Variants in TRMT61B observed in about 807,000 individuals in gnomAD.
TRMT61B encodes the protein tRNA methyltransferase 61B, also known as tRNA (adenine(58)-N(1))-methyltransferase, mitochondrial.
In TRMT61B, 56 loss-of-function variants were observed where a neutral mutation model predicts 52.0. The ratio of observed to expected loss-of-function variants is 1.08; its 90% CI spans 0.87 to 1.35. TRMT61B has a LOEUF of 1.35. Among genes scored for constraint, TRMT61B ranks in the 40% most tolerant of loss-of-function variants. The pLI is 0.00. For missense variants in TRMT61B, 650 were observed against 577.9 expected (o/e 1.12, Z -1.28); for synonymous variants, 206 against 220.0 (o/e 0.94, Z 0.56).
rs374991019 is a variant in TRMT61B at position 28,870,187 on chromosome 2, G to A, written c.91C>T (p.Pro31Ser). Residue 31 changes from proline to serine, a missense_variant, in exon 1 of 7, where the codon CCC becomes TCC. Physicochemically the swap from Pro to Ser is moderately conservative, Grantham distance 74. Transcript: ENST00000306108. The part of the protein sequence containing the change: ...NSFLHGLGQE[P>S]FEGARSLCCR... Reference sequence around the variant, plus strand: ...CACAGTGACCGAGCTCCCTCGAAGGGCTCCTGCCCCAGGCCGTGCAGGAAT... The same window carrying A: ...CACAGTGACCGAGCTCCCTCGAAGGACTCCTGCCCCAGGCCGTGCAGGAAT... The A allele has an allele frequency of 7.4e-6, 12 of 1,613,090 alleles. No homozygotes were observed. The Admixed American group carries it at 1.8e-4, about 25-fold the overall frequency.
intron 3 of TRMT61B, among the ~76,000 whole-genome samples, chr2:28,854,558 G>A (rs1255446496): frequency 6.6e-6 from 1 of 151,950 alleles, no homozygotes; most frequent in Non-Finnish European, 1.5e-5. Context: ...TGGCCAACAC[G>A]GCGAAACCCC....
Position 28,862,868 on chromosome 2 carries a change from G to A in TRMT61B, c.803-1560C>T, listed in dbSNP as rs755784464. 7.1e-5 allele frequency among the ~76,000 whole-genome samples: 4 copies of A among 56,228 alleles called. No individual in the cohort carries two copies. The Admixed American group carries it at 9.9e-4, about 14-fold the overall frequency. The allele number at this position is 56,228 out of a possible 152,430, so 36.9% of individuals were successfully genotyped here. A position where few individuals can be genotyped will look rare whatever the true frequency, so the allele number is the denominator to read the frequency against. ...AAAAATTAAAGGTATTTGTATTTGT[G>A]TGTGTGTGTGTGTGTGTGTGTGTGT... On this transcript the variant is annotated intron_variant, in intron 2 of 6. Coordinates refer to ENST00000306108, the MANE Select transcript of TRMT61B (RefSeq NM_017910.4).
At chr2:28,850,700 TTC>T (rs1331682223) in intron 5 of TRMT61B, 13 of 321,262 alleles carry the variant, frequency 4.0e-5, no homozygotes, top group Non-Finnish European at 5.0e-5. Flanking sequence ...CTAAACTCAG[TTC>T]TTTCAAGAAT....
chr2:28,855,061 G>A (rs1475313919), intron 3 of TRMT61B, among the ~76,000 whole-genome samples: 2 of 152,324 alleles, frequency 1.3e-5, no homozygotes, highest in Non-Finnish European at 2.9e-5. Context: ...TAGGGGAGAA[G>A]TGAGCTCCTG....
rs565391846 is a variant in TRMT61B at position 28,862,435 on chromosome 2, C to T, written c.803-1127G>A. ...GCAACCCCCACCTCCCAGGCTCAAG[C>T]GATCTTCCCACCTCAGCCTCCTGAA... is the stretch of plus-strand genomic sequence containing the variant. On this transcript the variant is annotated intron_variant, in intron 2 of 6. Transcript: ENST00000306108. 2.1e-3 allele frequency among the ~76,000 whole-genome samples: 306 copies of T among 147,640 alleles called. 2 individuals carry two copies. Among genetic ancestry groups the T allele is most frequent in the Non-Finnish European group, 8.5e-4 (57 of 67,322 alleles).
At chr2:28,863,831 G>A (rs765005984) in intron 2 of TRMT61B, among the ~76,000 whole-genome samples, 6 of 152,152 alleles carry the variant, frequency 3.9e-5, no homozygotes, top group Admixed American at 3.3e-4. Context: ...ATTTCTATCT[G>A]TAATCTTTAT....
intron 2 of TRMT61B, among the ~76,000 whole-genome samples, chr2:28,862,835 TAA>T (rs11325074): frequency 6.2e-5 from 9 of 145,034 alleles, no homozygotes; most frequent in East Asian, 2.2e-4. Flanking sequence ...TACCAAAAAA[TAA>T]AAAAAAAAAA....
Position 28,869,959 on chromosome 2 carries a change from C to T in TRMT61B, c.319G>A (p.Gly107Arg), listed in dbSNP as rs138934242. The T allele has an allele frequency of 1.7e-4, 278 of 1,613,688 alleles. No individual in the cohort carries two copies. The African/African-American group carries it at 2.2e-3, about 13-fold the overall frequency. ...GTGGGACCGCACCGGCCCTGGTCTC[C>T]GCTCGAGTCCTCGAGCTCTCGAGGG... is the stretch of plus-strand genomic sequence containing the variant. Reference protein sequence around the residue: ...SSPRELEDSSGDQGRCGPTHQ... With the variant: ...SSPRELEDSSRDQGRCGPTHQ... Residue 107 changes from glycine to arginine, a missense_variant, in exon 1 of 7, where the codon GGA (glycine) becomes AGA (arginine). Transcript: ENST00000306108.
At chr2:28,860,780 G>A (rs1214772426) in intron 3 of TRMT61B, among the ~76,000 whole-genome samples, 1 of 152,140 alleles carries the variant, frequency 6.6e-6, no homozygotes, top group Non-Finnish European at 1.5e-5. Context: ...CACAGTTCAG[G>A]TTAGGTGCCG....
rs78130127 is a variant in TRMT61B at position 28,864,914 on chromosome 2, T to A, written c.802+103A>T. On this transcript the variant is annotated intron_variant, in intron 2 of 6. Coordinates refer to ENST00000306108, the MANE Select transcript of TRMT61B (RefSeq NM_017910.4). ...TTTCAGATTCTAGGAGAATGCTACCTCAATGTTAGGTATTTTCCCAAATAT... is the reference window on the plus strand; with the variant it reads ...TTTCAGATTCTAGGAGAATGCTACCACAATGTTAGGTATTTTCCCAAATAT... 1.8e-3 allele frequency: 1,218 copies of A among 662,498 alleles called. 9 individuals are homozygous for A. In the African/African-American group the frequency reaches 0.02, roughly 11 times the overall value. The allele number at this position is 662,498 out of a possible 1,614,324, so 41.0% of individuals were successfully genotyped here.
At position 28,850,328 on chromosome 2, in the gene TRMT61B, C is replaced by A; in HGVS notation, c.1390G>T (p.Ala464Ser). ...AATATGTTCTGAAAACATTACTCAC[C>A]TGTATGACCAGGTTGCCAGTGTACT... ...RPVHWQPGHTAFLVKLRKVKP... is the reference protein window; with the variant it reads ...RPVHWQPGHTSFLVKLRKVKP... Residue 464 changes from alanine (A) to serine (S), a missense_variant and splice_region_variant, in exon 6 of 7, where the codon GCT becomes TCT. Coordinates refer to ENST00000306108, the MANE Select transcript of TRMT61B (RefSeq NM_017910.4). The A allele has an allele frequency of 6.2e-7, 1 of 1,608,682 alleles. No homozygotes were observed. Among genetic ancestry groups the A allele is most frequent in the African/African-American group, 1.3e-5 (1 of 74,876 alleles).
intron 2 of TRMT61B, 181 bp from the exon 3 acceptor site, chr2:28,861,489 A>G (rs987144136): frequency 1.8e-5 from 10 of 553,200 alleles, no homozygotes; most frequent in Non-Finnish European, 2.8e-5. Flanking sequence ...AGAGGCAACC[A>G]CATTACCAGC....
At chr2:28,859,419 C>A (rs1669502269) in intron 3 of TRMT61B, among the ~76,000 whole-genome samples, 1 of 152,168 alleles carries the variant, frequency 6.6e-6, no homozygotes, top group Non-Finnish European at 1.5e-5. Flanking sequence ...GATCTTTGAT[C>A]AAACACCAAC....
chr2:28,863,830 T>C (rs1669713788), intron 2 of TRMT61B, among the ~76,000 whole-genome samples: 1 of 152,216 alleles, frequency 6.6e-6, no homozygotes, highest in Non-Finnish European at 1.5e-5. Flanking sequence ...TATTTCTATC[T>C]GTAATCTTTA....
At chr2:28,869,121 G>A (rs1167307095) in intron 1 of TRMT61B, among the ~76,000 whole-genome samples, 1 of 152,108 alleles carries the variant, frequency 6.6e-6, no homozygotes, top group East Asian at 1.9e-4. Flanking sequence ...TCCCTAAAAG[G>A]GGAAAAGCAC....
At chr2:28,868,784 G>A (rs1402202546) in intron 1 of TRMT61B, among the ~76,000 whole-genome samples, 1 of 152,230 alleles carries the variant, frequency 6.6e-6, no homozygotes, top group East Asian at 1.9e-4. Flanking sequence ...AGGCCGAGGT[G>A]GGCGGATCAC....
intron 3 of TRMT61B, among the ~76,000 whole-genome samples, chr2:28,860,308 A>AAT (rs1572544553): frequency 8.9e-6 from 1 of 112,308 alleles, no homozygotes; most frequent in Non-Finnish European, 1.9e-5. Flanking sequence ...AAAAAAAAAG[A>AAT]TTTTCTCTCC....
At chr2:28,852,946 G>C (rs560230255) in intron 3 of TRMT61B, among the ~76,000 whole-genome samples, 5 of 152,302 alleles carry the variant, frequency 3.3e-5, no homozygotes, top group Admixed American at 3.3e-4. Context: ...GCAAGAGTGA[G>C]ATCCTGTCTC....
intron 2 of TRMT61B, among the ~76,000 whole-genome samples, chr2:28,861,721 A>C (rs1669605580): frequency 6.6e-6 from 1 of 152,232 alleles, no homozygotes; most frequent in Non-Finnish European, 1.5e-5. Context: ...GTCATATGCT[A>C]ATATAAACAA....
Sources: allele counts gnomAD v4.1 joint callset (sites outside exome capture counted in the v4.1 genomes callset), GRCh38; gene constraint gnomAD v4.1.1; transcripts MANE v1.5; gene names NCBI Gene and HGNC (gene_info 2026-07-23, HGNC 2026-07-21).